EYS: variants seen among roughly 807,000 people sequenced by gnomAD.
EYS encodes the protein EGF-like photoreceptor maintenance factor, also known as protein eyes shut homolog.
EYS carries 250 observed loss-of-function variants against 282.1 expected under a neutral mutation model. The observed-to-expected ratio is 0.89, with a 90% CI of 0.80 to 0.98. The LOEUF is 0.98. Among genes scored for constraint, EYS ranks in the 50% least tolerant of loss-of-function variants. The probability of loss-of-function intolerance (pLI) is 0.00; values close to 1 mark genes in which losing one functional copy is unlikely to be tolerated. For missense variants in EYS, 4,016 were observed against 3,709.0 expected, an observed-to-expected ratio of 1.08 and a Z score of -2.15; for synonymous variants, 1,355 against 1,282.9, an observed-to-expected ratio of 1.06 and a Z score of -1.20.
At chr6:63,910,273 G>A (rs1028418442) in intron 35 of EYS, among the ~76,000 whole-genome samples, 1 of 152,126 alleles carries the variant, frequency 6.6e-6, no homozygotes, top group Admixed American at 6.6e-5. Flanking sequence ...ATGACTAAAT[G>A]TCAGTGGTGG....
rs537428862 is a variant in EYS at position 64,958,923 on chromosome 6, G to A, written c.2260-13009C>T. Among the ~76,000 whole-genome samples, 3 of 152,074 alleles carry A rather than the reference G, an allele frequency of 2.0e-5. No homozygotes were observed. In the East Asian group the frequency reaches 5.8e-4, roughly 29 times the overall value. Reference sequence around the variant, plus strand: ...ATTGGAGTGTAAATAATATAAACTGGCTTCATATCCCAGGACCTTAACAAT... The same window carrying A: ...ATTGGAGTGTAAATAATATAAACTGACTTCATATCCCAGGACCTTAACAAT... On this transcript the variant is annotated intron_variant, in intron 14 of 42. Coordinates refer to ENST00000503581, the MANE Select transcript of EYS (RefSeq NM_001142800.2).
chr6:64,186,282 CACG>C (rs1764944607), intron 31 of EYS, among the ~76,000 whole-genome samples: 1 of 148,908 alleles, frequency 6.7e-6, no homozygotes, highest in Non-Finnish European at 1.5e-5. Flanking sequence ...CACACACACA[CACG>C]GTTCTGATTT....
Position 64,909,133 on chromosome 6 carries a change from A to C in EYS, c.2641+3351T>G, listed in dbSNP as rs116087230. On this transcript the variant is annotated intron_variant, in intron 16 of 42. Transcript: ENST00000503581. ...TAAACTTTCAATTCCTTGAGGGCAT[A>C]TCTTCACCATGTTTAATTTTTCCAG... Among the ~76,000 whole-genome samples, 406 of 152,286 alleles carry C rather than the reference A, an allele frequency of 2.7e-3. 1 individual carries two copies. Among genetic ancestry groups the C allele is most frequent in the South Asian group, 6.2e-3 (30 of 4,822 alleles).
At chr6:64,561,287 C>G (rs1217337618) in intron 26 of EYS, among the ~76,000 whole-genome samples, 1 of 152,068 alleles carries the variant, frequency 6.6e-6, no homozygotes, top group Admixed American at 6.6e-5. Flanking sequence ...CCCTCTCTTA[C>G]CACTTCTATT....
At chr6:64,879,921 GAA>G (rs749080864) in intron 19 of EYS, among the ~76,000 whole-genome samples, 3 of 151,988 alleles carry the variant, frequency 2.0e-5, no homozygotes, top group Non-Finnish European at 4.4e-5. Flanking sequence ...GTAAATATCA[GAA>G]GTATTAAGAG....
intron 2 of EYS, among the ~76,000 whole-genome samples, chr6:65,593,591 A>G (rs530428247): frequency 4.6e-5 from 7 of 152,092 alleles, no homozygotes; most frequent in African/African-American, 7.2e-5. Flanking sequence ...ATATGCATAC[A>G]CTATTGAAAA....
At chr6:64,663,822 C>T (rs1229726799) in intron 22 of EYS, among the ~76,000 whole-genome samples, 1 of 152,066 alleles carries the variant, frequency 6.6e-6, no homozygotes, top group East Asian at 1.9e-4. Context: ...CTCAAGGATT[C>T]CAAGGAATAG....
chr6:64,869,227 T>C (rs534259538), intron 19 of EYS, among the ~76,000 whole-genome samples: 19 of 151,710 alleles, frequency 1.3e-4, no homozygotes, highest in East Asian at 3.9e-4. Context: ...TGAACATTTG[T>C]TCAGACTATT....
At chr6:63,882,139 A>G (rs981143570) in intron 35 of EYS, among the ~76,000 whole-genome samples, 3 of 152,238 alleles carry the variant, frequency 2.0e-5, no homozygotes, top group African/African-American at 7.2e-5. Flanking sequence ...GGAAGTAGCT[A>G]ATCTTGAAGT....
chr6:64,236,164 G>A (rs560594065), intron 30 of EYS, among the ~76,000 whole-genome samples: 28 of 152,100 alleles, frequency 1.8e-4, no homozygotes, highest in Admixed American at 1.4e-3. Context: ...TAATAGAGAC[G>A]GGGTTTCACC....
At chr6:65,632,592 A>G (rs1016874923) in intron 2 of EYS, among the ~76,000 whole-genome samples, 1 of 152,208 alleles carries the variant, frequency 6.6e-6, no homozygotes, top group African/African-American at 2.4e-5. Flanking sequence ...ATCAATTACT[A>G]TCCTCATTTT....
At chr6:64,127,871 T>C (rs1773836887) in intron 31 of EYS, among the ~76,000 whole-genome samples, 1 of 152,078 alleles carries the variant, frequency 6.6e-6, no homozygotes, top group Non-Finnish European at 1.5e-5. Flanking sequence ...GGGAAAATAA[T>C]TAGAAAGTTT....
chr6:63,849,394 A>C (rs1772183405), intron 36 of EYS, among the ~76,000 whole-genome samples: 1 of 152,146 alleles, frequency 6.6e-6, no homozygotes, highest in Non-Finnish European at 1.5e-5. Context: ...CCTGACTGGG[A>C]GATACCTCCC....
intron 19 of EYS, among the ~76,000 whole-genome samples, chr6:64,861,850 T>A (rs191100444): frequency 6.6e-6 from 1 of 152,178 alleles, no homozygotes; most frequent in Admixed American, 6.5e-5. Context: ...TTACCTTCAT[T>A]TACTCCTCTA....
chr6:63,787,533 T>A (rs1241033367), intron 39 of EYS, among the ~76,000 whole-genome samples: 1 of 152,268 alleles, frequency 6.6e-6, no homozygotes, highest in Non-Finnish European at 1.5e-5. Context: ...TCACATTATA[T>A]GACTATATAA....
chr6:64,260,506 G>C (rs1012962652), intron 30 of EYS, among the ~76,000 whole-genome samples: 2 of 152,038 alleles, frequency 1.3e-5, no homozygotes. Flanking sequence ...CCTTTGCTTA[G>C]TTTTAAATTT....
At chr6:65,638,516 C>T (rs1767168065) in intron 2 of EYS, among the ~76,000 whole-genome samples, 2 of 152,208 alleles carry the variant, frequency 1.3e-5, no homozygotes, top group South Asian at 4.1e-4. Context: ...CTCTTTGGGG[C>T]TCTGTGGTTC....
At chr6:64,557,217 T>TACACACACACACACAC (rs3994994) in intron 26 of EYS, among the ~76,000 whole-genome samples, 5 of 148,016 alleles carry the variant, frequency 3.4e-5, no homozygotes, top group Admixed American at 6.8e-5. Context: ...CACACACACA[T>TACACACACACACACAC]ACACACACAC....
At chr6:63,831,483 A>C (rs1051604339) in intron 36 of EYS, among the ~76,000 whole-genome samples, 2 of 152,000 alleles carry the variant, frequency 1.3e-5, no homozygotes, top group African/African-American at 4.8e-5. Context: ...CCATTACATA[A>C]GTAAAGGGAT....
Sources: allele counts gnomAD v4.1 joint callset (sites outside exome capture counted in the v4.1 genomes callset), GRCh38; gene constraint gnomAD v4.1.1; transcripts MANE v1.5; gene names NCBI Gene and HGNC (gene_info 2026-07-23, HGNC 2026-07-21).